The following RBFOX1 variants were observed in gnomAD, a reference collection of about 807,000 sequenced individuals.
RBFOX1 encodes the protein RNA binding protein fox-1 homolog 1.
Under a neutral mutation model 57.7 loss-of-function variants are expected in RBFOX1, and 8 were observed. The ratio of observed to expected loss-of-function variants is 0.14; its 90% confidence interval spans 0.08 to 0.25. RBFOX1 has a LOEUF of 0.25. Ranked by LOEUF, RBFOX1 falls within the 10% of genes least tolerant of loss-of-function variation. The probability of loss-of-function intolerance (pLI) is 1.00; values close to 1 mark genes in which losing one functional copy is unlikely to be tolerated. For missense variants in RBFOX1, 611 were observed against 548.5 expected (o/e 1.11, Z -1.14); for synonymous variants, 326 against 222.4 (o/e 1.47, Z -4.15).
At chr16:6,527,583 C>T (rs1303736713) in intron 2 of RBFOX1, among the ~76,000 whole-genome samples, 2 of 152,022 alleles carry the variant, frequency 1.3e-5, no homozygotes, top group African/African-American at 4.8e-5. Context: ...TTATTTAGGA[C>T]CCTCTAAATT....
At chr16:5,778,490 C>T (rs60962384) in intron 3 of RBFOX1, among the ~76,000 whole-genome samples, 7,855 of 152,242 alleles carry the variant, frequency 0.052, 609 homozygotes, top group African/African-American at 0.17. Context: ...CTGTGGGAAC[C>T]AGGGGACATC....
At chr16:7,529,051 T>C (rs2079352696) in intron 5 of RBFOX1, among the ~76,000 whole-genome samples, 1 of 152,048 alleles carries the variant, frequency 6.6e-6, no homozygotes, top group South Asian at 2.1e-4. Flanking sequence ...TTGAGGCCAG[T>C]GATTCAAGAC....
At chr16:6,797,379 G>C (rs2084316533) in intron 3 of RBFOX1, among the ~76,000 whole-genome samples, 1 of 152,098 alleles carries the variant, frequency 6.6e-6, no homozygotes, top group South Asian at 2.1e-4. Flanking sequence ...ATTATTAACA[G>C]GTGGTCGAAA....
chr16:5,674,093 G>A (rs916358136), intron 3 of RBFOX1, among the ~76,000 whole-genome samples: 1 of 152,158 alleles, frequency 6.6e-6, no homozygotes, highest in Non-Finnish European at 1.5e-5. Flanking sequence ...TATTGTTCTA[G>A]GAGGTGATTC....
At chr16:7,080,248 G>A (rs1047298098) in intron 4 of RBFOX1, among the ~76,000 whole-genome samples, 9 of 151,962 alleles carry the variant, frequency 5.9e-5, no homozygotes, top group African/African-American at 2.2e-4. Context: ...TTCATGCAGC[G>A]TGGACAGGCA....
intron 4 of RBFOX1, among the ~76,000 whole-genome samples, chr16:7,290,418 C>A (rs1171096251): frequency 1.3e-5 from 2 of 152,162 alleles, no homozygotes; most frequent in African/African-American, 4.8e-5. Context: ...TAAAATATCT[C>A]ATTAATCTGG....
chr16:6,004,004 G>T (rs1470991808), intron 4 of RBFOX1, among the ~76,000 whole-genome samples: 2 of 152,160 alleles, frequency 1.3e-5, no homozygotes, highest in South Asian at 2.1e-4. Context: ...TTATTGAGAG[G>T]ACTAGAAGGC....
At chr16:5,817,889 A>C (rs2055700558) in intron 3 of RBFOX1, among the ~76,000 whole-genome samples, 2 of 151,750 alleles carry the variant, frequency 1.3e-5, no homozygotes, top group Non-Finnish European at 2.9e-5. Context: ...TTGGGGATTC[A>C]CCGTGTTAGC....
intron 1 of RBFOX1, among the ~76,000 whole-genome samples, chr16:6,170,753 A>G (rs2096954253): frequency 1.3e-5 from 2 of 151,928 alleles, no homozygotes; most frequent in African/African-American, 4.8e-5. Context: ...CCCACCCTCT[A>G]TCCTCAAGCA....
chr16:7,637,253 C>G (rs916444155), intron 11 of RBFOX1, among the ~76,000 whole-genome samples: 10 of 145,698 alleles, frequency 6.9e-5, no homozygotes, highest in African/African-American at 1.0e-4. Flanking sequence ...AATTTTCACC[C>G]TGATACCCTT....
intron 2 of RBFOX1, among the ~76,000 whole-genome samples, chr16:6,396,578 T>G (rs1358864432): frequency 6.6e-6 from 1 of 152,174 alleles, no homozygotes; most frequent in East Asian, 1.9e-4. Flanking sequence ...GAGTGGATAC[T>G]CGAGTTGCTA....
intron 5 of RBFOX1, among the ~76,000 whole-genome samples, chr16:7,527,808 A>G (rs1040272614): frequency 2.6e-5 from 4 of 152,228 alleles, no homozygotes; most frequent in East Asian, 1.9e-4. Context: ...TACAGTACCC[A>G]TAATGAGAAA....
chr16:6,773,708 TTGTG>T (rs201037596), intron 3 of RBFOX1: 1 of 119,188 alleles, frequency 8.4e-6, no homozygotes, highest in African/African-American at 3.4e-5. Context: ...TGGGGTGCAT[TTGTG>T]TGTGTGTATG....
chr16:7,280,770 C>G (rs893783194), intron 4 of RBFOX1, among the ~76,000 whole-genome samples: 1 of 152,078 alleles, frequency 6.6e-6, no homozygotes, highest in Middle Eastern at 3.2e-3. Flanking sequence ...TGGCCTTTCC[C>G]CATGAGACAC....
chr16:6,701,751 C>G (rs1019287384), intron 3 of RBFOX1, among the ~76,000 whole-genome samples: 31 of 152,182 alleles, frequency 2.0e-4, no homozygotes, highest in Admixed American at 4.6e-4. Context: ...CACATGTACA[C>G]CATGGAATAT....
chr16:5,489,368 C>T (rs1004669031), intron 2 of RBFOX1, among the ~76,000 whole-genome samples: 2 of 152,208 alleles, frequency 1.3e-5, no homozygotes, highest in Non-Finnish European at 2.9e-5. Flanking sequence ...GTCCAGGGCT[C>T]ACCTCAAAGG....
chr16:7,047,884 T>G (rs1053363950), intron 3 of RBFOX1, among the ~76,000 whole-genome samples: 22 of 151,942 alleles, frequency 1.4e-4, no homozygotes, highest in African/African-American at 5.3e-4. Flanking sequence ...TTTTAATTAA[T>G]TAATTATTTT....
At chr16:5,290,817 G>T (rs1274484019) in intron 1 of RBFOX1, among the ~76,000 whole-genome samples, 1 of 151,924 alleles carries the variant, frequency 6.6e-6, no homozygotes, top group Non-Finnish European at 1.5e-5. Context: ...TCCTGCCTCA[G>T]TCTCCCGAGT....
At chr16:7,096,568 C>T (rs574440680) in intron 4 of RBFOX1, among the ~76,000 whole-genome samples, 1 of 152,124 alleles carries the variant, frequency 6.6e-6, no homozygotes, top group Admixed American at 6.5e-5. Context: ...GAACCCATCC[C>T]TGATACTCAA....
Sources: allele counts gnomAD v4.1 joint callset (sites outside exome capture counted in the v4.1 genomes callset), GRCh38; gene constraint gnomAD v4.1.1; transcripts MANE v1.5; gene names NCBI Gene and HGNC (gene_info 2026-07-23, HGNC 2026-07-21).